SYNJ1: variants seen among roughly 807,000 people sequenced by gnomAD.
SYNJ1 encodes polyphosphatidylinositol phosphatase SYNJ1.
In SYNJ1, 78 loss-of-function variants were observed where a neutral mutation model predicts 168.2. That is an observed-to-expected ratio of 0.46 (90% CI 0.39 to 0.56). The LOEUF (loss-of-function observed/expected upper bound fraction) is 0.56. Ranked by LOEUF, SYNJ1 falls within the 20% of genes least tolerant of loss-of-function variation. The pLI is 0.00. For synonymous variants in SYNJ1, 539 were observed against 548.6 expected (o/e 0.98, Z 0.24); for missense variants, 1,303 against 1,597.6 (o/e 0.82, Z 3.14).
Position 32,666,527 on chromosome 21 carries a change from A to T in SYNJ1, c.1858T>A (p.Ser620Thr). 1 of 1,613,970 alleles carries T rather than the reference A, an allele frequency of 6.2e-7. No individual in the cohort carries two copies. Among genetic ancestry groups the T allele is most frequent in the African/African-American group, 1.3e-5 (1 of 74,924 alleles). Residue 620 changes from serine to threonine, a missense_variant, in exon 16 of 33, where the codon TCC becomes ACC. Ser to Thr is a moderately conservative substitution (Grantham distance 58). Around this residue, in one of 2 missense-constraint regions of SYNJ1, gnomAD observed 920 missense variants for 1,208.8 expected, o/e 0.76. Coordinates refer to ENST00000674351, the MANE Select transcript of SYNJ1 (RefSeq NM_203446.3). ...LWAVELQKTI[S>T]RDNKYVLLAS... Reference sequence around the variant, plus strand: ...AGCAGCACATACTTGTTGTCTCTGGAGATTGTCTTCTGAAGTTCTACAGCC... The same window carrying T: ...AGCAGCACATACTTGTTGTCTCTGGTGATTGTCTTCTGAAGTTCTACAGCC...
chr21:32,656,616 A>T, intron 21 of SYNJ1, 71 bp downstream of exon 21: 1 of 1,339,148 alleles, frequency 7.5e-7, no homozygotes, highest in Non-Finnish European at 1.0e-6. Context: ...TCCTTCCCCA[A>T]ATAAGGTGAT....
chr21:32,642,200 A>G, intron 27 of SYNJ1, 67 bp from the exon 28 acceptor site: 1 of 1,576,902 alleles, frequency 6.3e-7, no homozygotes, highest in South Asian at 1.1e-5. Context: ...GCATAACATC[A>G]GCTTGCTGTT....
At chr21:32,726,337 A>C (rs912555530) in intron 2 of SYNJ1, among the ~76,000 whole-genome samples, 1 of 152,208 alleles carries the variant, frequency 6.6e-6, no homozygotes, top group African/African-American at 2.4e-5. Flanking sequence ...GTTGTTTACA[A>C]TTCCCTTAAT....
chr21:32,712,375 A>G (rs2042860228), intron 2 of SYNJ1, among the ~76,000 whole-genome samples: 1 of 152,236 alleles, frequency 6.6e-6, no homozygotes, highest in Admixed American at 6.5e-5. Flanking sequence ...CCAAGATCAC[A>G]TAACTAGCTG....
At chr21:32,634,056 G>A in intron 32 of SYNJ1, among the ~76,000 whole-genome samples, 1 of 152,098 alleles carries the variant, frequency 6.6e-6, no homozygotes, top group Non-Finnish European at 1.5e-5. Context: ...ATTCTCCTAT[G>A]GCAGATAGAA....
At chr21:32,653,262 T>C (rs534231612) in intron 22 of SYNJ1, 26 bp downstream of exon 22, 2 of 1,573,894 alleles carry the variant, frequency 1.3e-6, no homozygotes, top group Non-Finnish European at 1.7e-6. Flanking sequence ...TTCAGAATGG[T>C]TTAGAATCAA....
chr21:32,638,779 A>T, intron 31 of SYNJ1, 129 bp downstream of exon 31: 1 of 842,668 alleles, frequency 1.2e-6, no homozygotes, highest in Non-Finnish European at 1.7e-6. Flanking sequence ...TATAATAACA[A>T]ATATAAAAAG....
At chr21:32,728,289 G>A (rs2043570526), upstream of SYNJ1, 2 of 470,496 alleles carry the variant, frequency 4.3e-6, no homozygotes, top group African/African-American at 4.2e-5. Flanking sequence ...CAGAGCGTGA[G>A]CGCCGGGGAG....
chr21:32,646,076 A>C (rs2040055563), intron 24 of SYNJ1: 1 of 705,738 alleles, frequency 1.4e-6, no homozygotes, highest in Non-Finnish European at 2.6e-6. Flanking sequence ...GTTTGAGTTA[A>C]GCCATTTTGT....
rs781065516 is a variant in SYNJ1, at chr21:32,684,044, G to A, written c.1194C>T (p.Gly398=). Reference sequence around the variant, plus strand: ...TTTTAATTTATTCTTTTACCTCTAAGCCAAGAAATGCCTGCACACTATTTG... The same window carrying A: ...TTTTAATTTATTCTTTTACCTCTAAACCAAGAAATGCCTGCACACTATTTG... ...DRTNSVQAFL[G]LEMLAKQLEA... is the part of the protein sequence containing the mutation. Residue 398 remains glycine, a synonymous_variant, in exon 10 of 33, where the codon GGC becomes GGT. Transcript: ENST00000674351. 6.2e-7 allele frequency: 1 copy of A among 1,613,406 alleles called. No individual in the cohort carries two copies. The highest frequency in any genetic ancestry group is 8.5e-7 in the Non-Finnish European group (1 of 1,179,554).
intron 2 of SYNJ1, among the ~76,000 whole-genome samples, chr21:32,724,147 A>G (rs1428993238): frequency 2.0e-5 from 3 of 152,188 alleles, no homozygotes; most frequent in East Asian, 3.9e-4. Context: ...GAGGAGTACA[A>G]ACTTAATCTT....
intron 22 of SYNJ1, among the ~76,000 whole-genome samples, chr21:32,652,357 C>T (rs1324194682): frequency 2.0e-5 from 3 of 152,152 alleles, no homozygotes; most frequent in Non-Finnish European, 2.9e-5. Flanking sequence ...CCCACCACCA[C>T]GCCTGGCTAC....
chr21:32,705,765 C>A (rs2042584641), intron 2 of SYNJ1, among the ~76,000 whole-genome samples: 1 of 152,088 alleles, frequency 6.6e-6, no homozygotes. Context: ...GCAGAAGGAC[C>A]CCTTGAACCC....
intron 14 of SYNJ1, among the ~76,000 whole-genome samples, chr21:32,671,408 A>G (rs2041183620): frequency 6.6e-6 from 1 of 152,224 alleles, no homozygotes; most frequent in South Asian, 2.1e-4. Context: ...TGCATACATC[A>G]TCTTATTTAA....
Position 32,653,302 on chromosome 21 carries a change from G to C in SYNJ1, c.2860C>G (p.Leu954Val). 3 of 1,613,330 alleles carry C rather than the reference G, an allele frequency of 1.9e-6. No individual in the cohort carries two copies. Among genetic ancestry groups the C allele is most frequent in the Non-Finnish European group, 2.5e-6 (3 of 1,179,412 alleles). ...EGSSALNVLS[L>V]NGKELLNRTI... ...TGCTACCTTACCTCTTTACCATTTAGGCTCAGAACATTCAAGGCAGAGCTT... is the reference window on the plus strand; with the variant it reads ...TGCTACCTTACCTCTTTACCATTTACGCTCAGAACATTCAAGGCAGAGCTT... The change falls in exon 22 of 33, where the codon CTA becomes GTA. Residue 954 changes from leucine (L) to valine (V), a missense_variant. Leu to Val is a conservative substitution (Grantham distance 32, BLOSUM62 1). This residue lies in a region of SYNJ1 where 920 missense variants were observed against 1,208.8 expected (regional missense o/e 0.76). Transcript: ENST00000674351.
rs372363480 is a variant in SYNJ1 at position 32,643,362 on chromosome 21, G to T, written c.3478+48C>A. The T allele has an allele frequency of 7.5e-6, 12 of 1,602,846 alleles. No individual in the cohort carries two copies. The African/African-American group carries it at 1.1e-4, about 14-fold the overall frequency. ...GGTGGGGAGGTGGGGCGCTGACACT[G>T]AGAAATAAAATGAGAGAACCACTTC... is the stretch of plus-strand genomic sequence containing the variant. On this transcript the variant is annotated intron_variant, in intron 27 of 32. Coordinates refer to ENST00000674351, the MANE Select transcript of SYNJ1 (RefSeq NM_203446.3).
At chr21:32,685,940 T>A in intron 8 of SYNJ1, 23 bp from the exon 9 acceptor site, 1 of 1,597,026 alleles carries the variant, frequency 6.3e-7, no homozygotes, top group Admixed American at 1.8e-5. Context: ...AGGCAAATAT[T>A]CATCTAAATG....
rs1432339434 is a variant in SYNJ1 at position 32,653,318 on chromosome 21, G to A, written c.2844C>T (p.Ala948=). Residue 948 remains alanine (A), a synonymous_variant, in exon 22 of 33, where the codon GCC becomes GCT. Transcript: ENST00000674351. Reference sequence around the variant, plus strand: ...TACCATTTAGGCTCAGAACATTCAAGGCAGAGCTTCCCTCCAAAAATGTAA... The same window carrying A: ...TACCATTTAGGCTCAGAACATTCAAAGCAGAGCTTCCCTCCAAAAATGTAA... ...MWVTFLEGSS[A]LNVLSLNGKE... 3 of 1,613,692 alleles carry A rather than the reference G, an allele frequency of 1.9e-6. No homozygotes were observed. Among genetic ancestry groups the A allele is most frequent in the African/African-American group, 2.7e-5 (2 of 74,874 alleles).
At chr21:32,724,663 A>C (rs1200626317) in intron 2 of SYNJ1, among the ~76,000 whole-genome samples, 1 of 152,254 alleles carries the variant, frequency 6.6e-6, no homozygotes, top group African/African-American at 2.4e-5. Flanking sequence ...TAAAGTGTGA[A>C]GATTTTAAGT....
Sources: allele counts gnomAD v4.1 joint callset (sites outside exome capture counted in the v4.1 genomes callset), GRCh38; gene constraint gnomAD v4.1.1; regional missense constraint gnomAD v4.1.1; transcripts MANE v1.5; gene names NCBI Gene and HGNC (gene_info 2026-07-23, HGNC 2026-07-21).